GTF2IRD1: variants seen among roughly 807,000 people sequenced by gnomAD.
GTF2IRD1 encodes the protein general transcription factor II-I repeat domain-containing protein 1.
Under a neutral mutation model 113.2 loss-of-function variants are expected in GTF2IRD1, and 26 were observed. The ratio of observed to expected loss-of-function variants is 0.23; its 90% CI spans 0.17 to 0.32. GTF2IRD1 has a LOEUF of 0.32. GTF2IRD1 is among the 10% of genes least tolerant of loss of function. The pLI is 1.00. For missense variants in GTF2IRD1, 864 were observed against 1,280.8 expected, an observed-to-expected ratio of 0.67 and a Z score of 4.97; for synonymous variants, 484 against 529.1, an observed-to-expected ratio of 0.91 and a Z score of 1.17.
chr7:74,550,202 T>C (rs1209705165), intron 17 of GTF2IRD1, among the ~76,000 whole-genome samples: 1 of 151,752 alleles, frequency 6.6e-6, no homozygotes, highest in Non-Finnish European at 1.5e-5. Flanking sequence ...CTCAAAAAAA[T>C]AAAAAGGGAA....
At chr7:74,484,841 C>CCAAA (rs1554335324) in intron 1 of GTF2IRD1, among the ~76,000 whole-genome samples, 2 of 152,128 alleles carry the variant, frequency 1.3e-5, no homozygotes, top group Admixed American at 6.6e-5. Flanking sequence ...GACGCTGGGA[C>CCAAA]GGTTTCTGCC....
intron 22 of GTF2IRD1, among the ~76,000 whole-genome samples, chr7:74,568,337 TA>T (rs782743930): frequency 3.0e-4 from 28 of 91,980 alleles, no homozygotes; most frequent in Admixed American, 4.1e-4. Flanking sequence ...CATCTCTATT[TA>T]AAAAAAAAAA....
chr7:74,470,673 T>C (rs1554332093), intron 1 of GTF2IRD1, among the ~76,000 whole-genome samples: 1 of 152,200 alleles, frequency 6.6e-6, no homozygotes, highest in East Asian at 1.9e-4. Context: ...ACATCCATAC[T>C]GTGGAATATT....
chr7:74,542,547 T>G (rs782574542), intron 14 of GTF2IRD1, among the ~76,000 whole-genome samples: 1 of 152,212 alleles, frequency 6.6e-6, no homozygotes, highest in Non-Finnish European at 1.5e-5. Flanking sequence ...GTAGCAGTGT[T>G]AGGCAAAATG....
At chr7:74,522,399 G>C (rs1479801841) in intron 7 of GTF2IRD1, among the ~76,000 whole-genome samples, 1 of 152,160 alleles carries the variant, frequency 6.6e-6, no homozygotes, top group Non-Finnish European at 1.5e-5. Context: ...AAAAGGTTCT[G>C]TAAGAAAACC....
intron 22 of GTF2IRD1, among the ~76,000 whole-genome samples, chr7:74,583,371 CTTTTTTTTT>C (rs1168890388): frequency 8.2e-6 from 1 of 122,308 alleles, no homozygotes; most frequent in Non-Finnish European, 1.7e-5. Context: ...CTTTTTTTTT[CTTTTTTTTT>C]TTTTTTTTTT....
intron 1 of GTF2IRD1, among the ~76,000 whole-genome samples, chr7:74,476,208 G>A (rs1404143880): frequency 1.3e-5 from 2 of 152,102 alleles, no homozygotes; most frequent in African/African-American, 4.8e-5. Context: ...GGCTGGTGGT[G>A]CCTGGTGGGT....
intron 24 of GTF2IRD1, among the ~76,000 whole-genome samples, chr7:74,592,752 C>T (rs1343818524): frequency 2.0e-5 from 3 of 151,698 alleles, no homozygotes; most frequent in East Asian, 3.9e-4. Flanking sequence ...AGGCTGGTCT[C>T]GAACTCCCGA....
chr7:74,511,122 A>C (rs1277924158), intron 2 of GTF2IRD1, among the ~76,000 whole-genome samples: 1 of 152,002 alleles, frequency 6.6e-6, no homozygotes, highest in Non-Finnish European at 1.5e-5. Context: ...GGAGGAGCAC[A>C]TGACCCTATA....
At chr7:74,556,790 A>ATTTTTTTTTTTTTTTTTTTTTTTTT (rs587648610) in intron 19 of GTF2IRD1, among the ~76,000 whole-genome samples, 1 of 132,950 alleles carries the variant, frequency 7.5e-6, no homozygotes, top group African/African-American at 2.8e-5. Flanking sequence ...TGCCTGGCTA[A>ATTTTTTTTTTTTTTTTTTTTTTTTT]TTTTTGTATT....
chr7:74,466,110 T>G (rs996410262), intron 1 of GTF2IRD1, among the ~76,000 whole-genome samples: 5 of 152,134 alleles, frequency 3.3e-5, no homozygotes, highest in Non-Finnish European at 5.9e-5. Flanking sequence ...TGGGAAAACC[T>G]CAAAGGTAGA....
intron 22 of GTF2IRD1, among the ~76,000 whole-genome samples, chr7:74,575,149 G>A (rs180688726): frequency 1.1e-4 from 16 of 152,224 alleles, no homozygotes; most frequent in South Asian, 6.2e-4. Flanking sequence ...GGGGCGGGGG[G>A]ATAAACAGAA....
chr7:74,509,039 G>A (rs1022569786), intron 2 of GTF2IRD1, among the ~76,000 whole-genome samples: 1 of 151,892 alleles, frequency 6.6e-6, no homozygotes, highest in African/African-American at 2.4e-5. Flanking sequence ...TTCCTGGGGG[G>A]AAGTTCTGTG....
intron 1 of GTF2IRD1, among the ~76,000 whole-genome samples, chr7:74,484,064 G>T (rs73135352): frequency 1.6e-3 from 245 of 152,286 alleles, no homozygotes; most frequent in Middle Eastern, 3.4e-3. Flanking sequence ...GCAGCCCCCA[G>T]AGATGGAGAC....
rs910139363 is a variant in GTF2IRD1, at chr7:74,519,586, G to A, written c.783G>A (p.Ala261=). ...TGGCCAGCTTCCTGTACAGCACGGC[G>A]CTCCCCAACCACGCCATCCGAGAGC... ...SSMASFLYST[A]LPNHAIRELK... The change falls in exon 6 of 27, where the codon GCG becomes GCA. Residue 261 remains alanine, a synonymous_variant. Coordinates refer to ENST00000424337, the MANE Select transcript of GTF2IRD1 (RefSeq NM_005685.4). 9.9e-6 allele frequency: 16 copies of A among 1,612,286 alleles called. No homozygotes were observed. The highest frequency in any genetic ancestry group is 6.7e-5 in the Admixed American group (4 of 59,904).
chr7:74,470,228 A>T (rs1159876447), intron 1 of GTF2IRD1, among the ~76,000 whole-genome samples: 2 of 152,100 alleles, frequency 1.3e-5, no homozygotes, highest in African/African-American at 4.8e-5. Flanking sequence ...CAAACAATCC[A>T]CCCACTTCAG....
intron 17 of GTF2IRD1, among the ~76,000 whole-genome samples, chr7:74,550,778 C>T (rs1799261551): frequency 6.6e-6 from 1 of 151,984 alleles, no homozygotes; most frequent in Admixed American, 6.6e-5. Flanking sequence ...CCTGTAATCC[C>T]AGCACTTTGA....
In GTF2IRD1 at chr7:74,555,411, G is replaced by A. The variant is rs1391362371; in HGVS notation, c.1967-27G>A. 1.9e-5 allele frequency: 31 copies of A among 1,613,486 alleles called. No homozygotes were observed. The highest frequency in any genetic ancestry group is 2.2e-5 in the Non-Finnish European group (26 of 1,179,536). ...GTCCCAGGAACTGCCTCCTCACTTG[G>A]CTTCTCTCCCCCTGCCCTGCCCCCA... On this transcript the variant is annotated intron_variant, in intron 18 of 26. Coordinates refer to ENST00000424337, the MANE Select transcript of GTF2IRD1 (RefSeq NM_005685.4). The surrounding 1 kb of genome is among the most constrained non-coding windows in gnomAD (Gnocchi z 5.3).
chr7:74,496,305 TGTGGGGGTGGGG>T, intron 1 of GTF2IRD1, among the ~76,000 whole-genome samples: 2 of 143,188 alleles, frequency 1.4e-5, no homozygotes, highest in East Asian at 2.1e-4. Context: ...TGTGCATGTG[TGTGGGGGTGGGG>T]GTGTGCATGG....
Sources: allele counts gnomAD v4.1 joint callset (sites outside exome capture counted in the v4.1 genomes callset), GRCh38; gene constraint gnomAD v4.1.1; non-coding constraint Gnocchi (gnomAD v3.1); transcripts MANE v1.5; gene names NCBI Gene and HGNC (gene_info 2026-07-23, HGNC 2026-07-21).